The following ENOPH1 variants were observed in gnomAD, a reference collection of about 807,000 sequenced individuals.
ENOPH1 encodes enolase-phosphatase E1.
ENOPH1 carries 14 observed loss-of-function variants against 31.1 expected under a neutral mutation model. The observed-to-expected ratio is 0.45, with a 90% confidence interval of 0.30 to 0.70. The LOEUF is 0.70. Among genes scored for constraint, ENOPH1 ranks in the 30% least tolerant of loss-of-function variants. The pLI is 0.09. For missense variants in ENOPH1, 243 were observed against 321.5 expected, an observed-to-expected ratio of 0.76 and a Z score of 1.87; for synonymous variants, 127 against 123.2, an observed-to-expected ratio of 1.03 and a Z score of -0.21.
intron 3 of ENOPH1, among the ~76,000 whole-genome samples, chr4:82,453,638 A>G (rs1179395995): frequency 6.6e-6 from 1 of 152,238 alleles, no homozygotes; most frequent in Non-Finnish European, 1.5e-5. Context: ...GTTAATACAT[A>G]TAAAGCGGAA....
chr4:82,453,983 A>C (rs1010387376), intron 3 of ENOPH1, among the ~76,000 whole-genome samples: 1 of 150,696 alleles, frequency 6.6e-6, no homozygotes, highest in Non-Finnish European at 1.5e-5. Context: ...AAGTGGGGGG[A>C]TCACTTGAGT....
At chr4:82,433,401 A>G (rs563530542) in intron 1 of ENOPH1, among the ~76,000 whole-genome samples, 1 of 152,350 alleles carries the variant, frequency 6.6e-6, no homozygotes, top group South Asian at 2.1e-4. Flanking sequence ...ACGCTAGGCA[A>G]TGTGCAATTT....
At chr4:82,456,544 G>A (rs1722495730) in intron 4 of ENOPH1, among the ~76,000 whole-genome samples, 1 of 152,202 alleles carries the variant, frequency 6.6e-6, no homozygotes, top group South Asian at 2.1e-4. Context: ...TTAAAGGACA[G>A]TGTTCAGAAT....
chr4:82,457,893 A>G (rs1381331074), intron 5 of ENOPH1, among the ~76,000 whole-genome samples: 1 of 152,256 alleles, frequency 6.6e-6, no homozygotes, highest in Non-Finnish European at 1.5e-5. Context: ...TAGTACATCT[A>G]TAATTTCAGA....
intron 2 of ENOPH1, among the ~76,000 whole-genome samples, chr4:82,449,940 A>G (rs990791389): frequency 7.2e-5 from 11 of 151,852 alleles, no homozygotes; most frequent in African/African-American, 2.7e-4. Context: ...TTTTCCTTCC[A>G]CATTGTGTGC....
intron 2 of ENOPH1, among the ~76,000 whole-genome samples, chr4:82,449,450 A>G (rs1184507132): frequency 2.6e-5 from 4 of 152,208 alleles, no homozygotes; most frequent in East Asian, 3.9e-4. Context: ...GACCTCAGGA[A>G]GCTTCTAATC....
chr4:82,439,930 G>A (rs1721998113), intron 1 of ENOPH1, among the ~76,000 whole-genome samples: 2 of 152,140 alleles, frequency 1.3e-5, no homozygotes, highest in African/African-American at 4.8e-5. Context: ...AGATGTAGGG[G>A]GAGGAGGAGG....
intron 1 of ENOPH1, 87 bp downstream of exon 1, chr4:82,431,000 C>A (rs1578089252): frequency 3.2e-6 from 4 of 1,241,332 alleles, no homozygotes; most frequent in Non-Finnish European, 4.6e-6. Flanking sequence ...GCATTGGAGA[C>A]GAGGGTTAGG....
At position 82,454,718 on chromosome 4, in the gene ENOPH1, C is replaced by G; in HGVS notation, c.390-4C>G. 1 of 1,612,086 alleles carries G rather than the reference C, an allele frequency of 6.2e-7. No individual in the cohort carries two copies. ...GTATTTTAACTTAGTGGTCTTCCCT[C>G]TAGGTTCTTTGCAGATGTAGTTCCA... On this transcript the variant is annotated splice_polypyrimidine_tract_variant and splice_region_variant and intron_variant, in intron 3 of 5. Transcript: ENST00000273920.
chr4:82,445,923 C>A (rs1346966808), intron 1 of ENOPH1, among the ~76,000 whole-genome samples: 1 of 152,168 alleles, frequency 6.6e-6, no homozygotes, highest in Non-Finnish European at 1.5e-5. Context: ...TTGTTTGAAA[C>A]CTTGCACCTT....
At chr4:82,431,529 T>C (rs1272443640) in intron 1 of ENOPH1, among the ~76,000 whole-genome samples, 2 of 152,220 alleles carry the variant, frequency 1.3e-5, no homozygotes, top group Non-Finnish European at 2.9e-5. Flanking sequence ...TCCGTTCACT[T>C]TCCTCAGAAA....
intron 1 of ENOPH1, among the ~76,000 whole-genome samples, chr4:82,440,789 CT>C (rs1486454748): frequency 6.6e-6 from 1 of 152,182 alleles, no homozygotes; most frequent in Non-Finnish European, 1.5e-5. Flanking sequence ...ATGGGGCTAT[CT>C]TTTGTCTTAT....
At chr4:82,456,566 A>G (rs886865914) in intron 4 of ENOPH1, among the ~76,000 whole-genome samples, 5 of 152,222 alleles carry the variant, frequency 3.3e-5, no homozygotes, top group Non-Finnish European at 5.9e-5. Context: ...TTTCATCAGG[A>G]GTAAAATTCA....
At chr4:82,434,411 C>T (rs1050459938) in intron 1 of ENOPH1, among the ~76,000 whole-genome samples, 9 of 152,144 alleles carry the variant, frequency 5.9e-5, no homozygotes, top group African/African-American at 2.2e-4. Flanking sequence ...TGGTGAAAGC[C>T]AGTCTCTACT....
intron 2 of ENOPH1, 62 bp from the exon 3 acceptor site, chr4:82,450,981 G>A (rs565080996): frequency 4.3e-5 from 63 of 1,473,124 alleles, no homozygotes; most frequent in African/African-American, 1.5e-4. Flanking sequence ...TTTGGGTCTC[G>A]TTTTAAATGA....
chr4:82,449,908 C>T (rs1035043490), intron 2 of ENOPH1, among the ~76,000 whole-genome samples: 2 of 152,162 alleles, frequency 1.3e-5, no homozygotes, highest in Admixed American at 1.3e-4. Flanking sequence ...ACCCTCTTCT[C>T]CCCACCAGTC....
chr4:82,456,621 G>A (rs1295204959), intron 4 of ENOPH1, among the ~76,000 whole-genome samples: 2 of 152,206 alleles, frequency 1.3e-5, no homozygotes, highest in East Asian at 1.9e-4. Flanking sequence ...AGGGTAGGAT[G>A]TAGGGCATGT....
chr4:82,434,806 C>G (rs1237908369), intron 1 of ENOPH1, among the ~76,000 whole-genome samples: 1 of 152,022 alleles, frequency 6.6e-6, no homozygotes, highest in Non-Finnish European at 1.5e-5. Context: ...ACTGGGGAGG[C>G]TGAGGTGGGA....
intron 1 of ENOPH1, among the ~76,000 whole-genome samples, chr4:82,440,979 CAG>C (rs1164420401): frequency 2.0e-5 from 3 of 152,178 alleles, no homozygotes; most frequent in Non-Finnish European, 4.4e-5. Context: ...AGCCAGAACA[CAG>C]AAACTTCTTG....
Sources: gnomAD v4.1 joint callset for allele counts (sites outside exome capture counted in the v4.1 genomes callset) on GRCh38, gnomAD v4.1.1 for gene constraint, MANE v1.5 for transcripts, NCBI Gene and HGNC (gene_info 2026-07-23, HGNC 2026-07-21) for gene names.